The following FDFT1 variants were observed in gnomAD, a reference collection of about 807,000 sequenced individuals.
FDFT1 encodes the protein farnesyl-diphosphate farnesyltransferase 1, also known as squalene synthase.
FDFT1 carries 68 observed loss-of-function variants against 46.8 expected under a neutral mutation model. The ratio of observed to expected loss-of-function variants is 1.45; its 90% CI spans 1.19 to 1.78. The LOEUF (loss-of-function observed/expected upper bound fraction) is 1.78. Ranked by LOEUF, FDFT1 falls within the 40% of genes most tolerant of loss-of-function variation. FDFT1 has a pLI of 0.00. For missense variants in FDFT1, 928 were observed against 524.4 expected (o/e 1.77, Z -7.52); for synonymous variants, 351 against 185.1 (o/e 1.90, Z -7.28).
chr8:11,798,998 T>C (rs1425502660), upstream of FDFT1, among the ~76,000 whole-genome samples: 1 of 152,230 alleles, frequency 6.6e-6, no homozygotes, highest in African/African-American at 2.4e-5. Context: ...GCTGACTGGG[T>C]TGGCTAAACG....
intron 3 of FDFT1, among the ~76,000 whole-genome samples, chr8:11,821,113 T>C (rs1809177677): frequency 6.6e-6 from 1 of 152,214 alleles, no homozygotes; most frequent in Non-Finnish European, 1.5e-5. Flanking sequence ...AATGAATCTT[T>C]CTCATAATGA....
At chr8:11,823,470 C>T (rs986337367) in intron 4 of FDFT1, among the ~76,000 whole-genome samples, 18 of 152,158 alleles carry the variant, frequency 1.2e-4, no homozygotes, top group African/African-American at 4.3e-4. Flanking sequence ...CAAGATTTCA[C>T]TCTTTTCATG....
intron 3 of FDFT1, among the ~76,000 whole-genome samples, chr8:11,818,387 C>T (rs981092536): frequency 1.3e-5 from 2 of 152,154 alleles, no homozygotes; most frequent in East Asian, 1.9e-4. Flanking sequence ...CTGCTTGGTC[C>T]AGAGCTGAGT....
intron 3 of FDFT1, among the ~76,000 whole-genome samples, chr8:11,814,543 T>C (rs952412508): frequency 6.6e-6 from 1 of 152,232 alleles, no homozygotes; most frequent in African/African-American, 2.4e-5. Context: ...ATCTGTAGGC[T>C]CTCATGTTTT....
chr8:11,829,960 G>A (rs1332942109), intron 5 of FDFT1, among the ~76,000 whole-genome samples: 1 of 151,904 alleles, frequency 6.6e-6, no homozygotes, highest in East Asian at 1.9e-4. Flanking sequence ...CAATTCTTCT[G>A]TCTCACCCTC....
chr8:11,806,583 C>T (rs975794940), intron 1 of FDFT1, among the ~76,000 whole-genome samples: 4 of 151,946 alleles, frequency 2.6e-5, no homozygotes, highest in East Asian at 1.9e-4. Context: ...CTAGGGGGAC[C>T]GTGTCTTGGC....
chr8:11,796,957 C>T (rs1204197509), intron 1 of FDFT1, among the ~76,000 whole-genome samples: 3 of 152,216 alleles, frequency 2.0e-5, no homozygotes, highest in African/African-American at 7.2e-5. Flanking sequence ...CAGCTCAGGG[C>T]AGTTGTGCAG....
chr8:11,821,737 G>A lies in FDFT1; in HGVS notation c.382-13G>A, dbSNP rs576846043. The A allele has an allele frequency of 1.9e-6, 3 of 1,612,254 alleles. No homozygotes were observed. The highest frequency in any genetic ancestry group is 2.2e-5 in the South Asian group (2 of 90,954). On this transcript the variant is annotated splice_polypyrimidine_tract_variant and intron_variant, in intron 3 of 7. Transcript: ENST00000220584. ...ATTTCATGATTTCTGTGTTTTTACG[G>A]TTTCCATTTCAGATCTCCCTTGAGT...
At chr8:11,807,198 C>T (rs1023247637) in intron 1 of FDFT1, among the ~76,000 whole-genome samples, 1 of 152,116 alleles carries the variant, frequency 6.6e-6, no homozygotes, top group African/African-American at 2.4e-5. Flanking sequence ...CTGCAGTGTA[C>T]AATATCATAG....
chr8:11,838,305 C>T, intron 7 of FDFT1, 83 bp from the exon 8 acceptor site: 3 of 1,039,740 alleles, frequency 2.9e-6, no homozygotes, highest in Non-Finnish European at 1.5e-6. Context: ...GTATAAAATA[C>T]CTGCCAGTGG....
chr8:11,795,836 A>C (rs776223327), exon 1 of FDFT1: 4 of 152,804 alleles, frequency 2.6e-5, no homozygotes, highest in African/African-American at 9.7e-5. Flanking sequence ...CGAGACCACG[A>C]ACCCACCAGA....
chr8:11,821,489 G>C (rs1471516715), intron 3 of FDFT1, among the ~76,000 whole-genome samples: 2 of 152,202 alleles, frequency 1.3e-5, no homozygotes, highest in African/African-American at 4.8e-5. Flanking sequence ...TCCTGGAGAG[G>C]CTGAGGCAGG....
chr8:11,809,899 C>G (rs767665729), intron 3 of FDFT1, 49 bp downstream of exon 3: 2 of 1,438,656 alleles, frequency 1.4e-6, no homozygotes, highest in Admixed American at 3.8e-5. Flanking sequence ...TTCATAATTG[C>G]TAACGTGGTT....
chr8:11,808,620 C>T (rs956101242), intron 1 of FDFT1, 174 bp from the exon 2 acceptor site: 30 of 1,391,620 alleles, frequency 2.2e-5, no homozygotes, highest in African/African-American at 7.6e-5. Flanking sequence ...AGGCACCGCC[C>T]CGCGGGGCTG....
chr8:11,833,335 C>G (rs558399299), intron 7 of FDFT1, among the ~76,000 whole-genome samples: 1 of 152,194 alleles, frequency 6.6e-6, no homozygotes, highest in Admixed American at 6.5e-5. Context: ...TGTCTGACAT[C>G]AGAATCCATG....
At chr8:11,818,819 T>A (rs968669026) in intron 3 of FDFT1, among the ~76,000 whole-genome samples, 1 of 152,232 alleles carries the variant, frequency 6.6e-6, no homozygotes, top group Non-Finnish European at 1.5e-5. Context: ...TTTGCCAGTC[T>A]GCGTCTTTTA....
At chr8:11,798,492 G>C (rs566924185), upstream of FDFT1, among the ~76,000 whole-genome samples, 1 of 152,194 alleles carries the variant, frequency 6.6e-6, no homozygotes, top group Non-Finnish European at 1.5e-5. Flanking sequence ...AAAATGAAAG[G>C]TATTTGTTTT....
At chr8:11,834,705 CAGTTGTA>C (rs1013099237) in intron 7 of FDFT1, among the ~76,000 whole-genome samples, 4 of 152,204 alleles carry the variant, frequency 2.6e-5, no homozygotes, top group Admixed American at 2.6e-4. Flanking sequence ...TCCATATTCG[CAGTTGTA>C]AGTAGAACTG....
chr8:11,829,175 A>T lies in FDFT1; in HGVS notation c.703-1069A>T, dbSNP rs530180285. Among the ~76,000 whole-genome samples the T allele has an allele frequency of 2.2e-3, 329 of 152,304 alleles. 3 individuals are homozygous for T. The highest frequency in any genetic ancestry group is 7.7e-3 in the African/African-American group (319 of 41,556). On this transcript the variant is annotated intron_variant, in intron 5 of 7. Coordinates refer to ENST00000220584, the MANE Select transcript of FDFT1 (RefSeq NM_004462.5). ...TTGTTATCTCTTTTTAACTGTATGTATATATACTTAACATTTTATTTATAA... is the reference window on the plus strand; with the variant it reads ...TTGTTATCTCTTTTTAACTGTATGTTTATATACTTAACATTTTATTTATAA...
Sources: allele counts gnomAD v4.1 joint callset (sites outside exome capture counted in the v4.1 genomes callset), GRCh38; gene constraint gnomAD v4.1.1; transcripts MANE v1.5; gene names NCBI Gene and HGNC (gene_info 2026-07-23, HGNC 2026-07-21).